The following METTL15 variants were observed in gnomAD, a reference collection of about 807,000 sequenced individuals.
METTL15 encodes methyltransferase 15, mitochondrial 12S rRNA N4-cytidine.
METTL15 carries 34 observed loss-of-function variants against 38.3 expected under a neutral mutation model. The ratio of observed to expected loss-of-function variants is 0.89; its 90% CI spans 0.68 to 1.18. The LOEUF is 1.18. Ranked by LOEUF, METTL15 falls within the 50% of genes most tolerant of loss-of-function variation. METTL15 has a pLI of 0.00. For synonymous variants in METTL15, 162 were observed against 170.9 expected (o/e 0.95, Z 0.41); for missense variants, 438 against 498.4 (o/e 0.88, Z 1.15).
At chr11:28,146,488 G>A (rs73436541) in intron 3 of METTL15, among the ~76,000 whole-genome samples, 425 of 152,054 alleles carry the variant, frequency 2.8e-3, no homozygotes, top group African/African-American at 9.5e-3. Context: ...TTGGTATTTA[G>A]ATTTTTGTTC....
chr11:28,172,805 A>G (rs1429291939), intron 3 of METTL15, among the ~76,000 whole-genome samples: 1 of 152,238 alleles, frequency 6.6e-6, no homozygotes, highest in African/African-American at 2.4e-5. Context: ...GAATAGACAG[A>G]AAATAGCATA....
At chr11:28,167,069 T>C (rs1455239047) in intron 3 of METTL15, among the ~76,000 whole-genome samples, 1 of 152,238 alleles carries the variant, frequency 6.6e-6, no homozygotes, top group Non-Finnish European at 1.5e-5. Context: ...TTGTTTGTCC[T>C]TCTGAATTAG....
At chr11:28,222,893 A>G (rs1853306496) in intron 4 of METTL15, among the ~76,000 whole-genome samples, 1 of 152,208 alleles carries the variant, frequency 6.6e-6, no homozygotes, top group Non-Finnish European at 1.5e-5. Context: ...ACTAGAGAGA[A>G]GACAACAAAA....
chr11:28,140,724 C>T lies in METTL15; in HGVS notation c.270+27120C>T, dbSNP rs768338721. Among the ~76,000 whole-genome samples, 5 of 152,306 alleles carry T rather than the reference C, an allele frequency of 3.3e-5. No homozygotes were observed. The South Asian group carries it at 8.3e-4, about 25-fold the overall frequency. On this transcript the variant is annotated intron_variant, in intron 3 of 6. Coordinates refer to ENST00000407364, the MANE Select transcript of METTL15 (RefSeq NM_001113528.2). ...CAAAAAGAGGGGTCCTGAAAGCAGG[C>T]TGCTGGTTGCCCCCTTCACAGTTGA... is the stretch of plus-strand genomic sequence containing the variant.
intron 4 of METTL15, among the ~76,000 whole-genome samples, chr11:28,254,090 T>C (rs1048186942): frequency 6.6e-6 from 1 of 152,170 alleles, no homozygotes; most frequent in Non-Finnish European, 1.5e-5. Flanking sequence ...TACTTTACAT[T>C]CCCACCAACA....
intron 4 of METTL15, among the ~76,000 whole-genome samples, chr11:28,223,026 A>T (rs1291194156): frequency 6.6e-6 from 1 of 152,150 alleles, no homozygotes; most frequent in East Asian, 1.9e-4. Flanking sequence ...GCTAGTGAGG[A>T]TGTGCAGAAA....
intron 4 of METTL15, 56 bp downstream of exon 4, chr11:28,211,254 G>A: frequency 1.3e-6 from 2 of 1,518,014 alleles, no homozygotes; most frequent in South Asian, 1.3e-5. Context: ...TACAGAGCTT[G>A]GTTTACCACC....
At chr11:28,236,987 G>T (rs955783764) in intron 4 of METTL15, among the ~76,000 whole-genome samples, 1 of 152,020 alleles carries the variant, frequency 6.6e-6, no homozygotes, top group African/African-American at 2.4e-5. Context: ...AGTCTGATGG[G>T]TTTCCCTTTG....
chr11:28,277,718 CA>C (rs1186789265), intron 4 of METTL15, among the ~76,000 whole-genome samples: 3 of 151,370 alleles, frequency 2.0e-5, no homozygotes, highest in East Asian at 3.9e-4. Flanking sequence ...AAAACAGCAA[CA>C]AAAAAAATGG....
At chr11:28,405,369 G>T (rs564760670) in intron 5 of METTL15, among the ~76,000 whole-genome samples, 3 of 152,256 alleles carry the variant, frequency 2.0e-5, no homozygotes, top group Admixed American at 6.5e-5. Flanking sequence ...CTTGCCATAT[G>T]ATCATTAAAC....
chr11:28,168,145 G>C (rs894322393), intron 3 of METTL15, among the ~76,000 whole-genome samples: 1 of 151,256 alleles, frequency 6.6e-6, no homozygotes, highest in Non-Finnish European at 1.5e-5. Flanking sequence ...CCTGTATTAA[G>C]CCCTCTTTGT....
At chr11:28,272,767 A>G (rs1177358958) in intron 4 of METTL15, among the ~76,000 whole-genome samples, 2 of 152,192 alleles carry the variant, frequency 1.3e-5, no homozygotes, top group African/African-American at 4.8e-5. Context: ...AATCAGGTTC[A>G]TCACAGAGGG....
At chr11:28,171,540 G>C (rs1265036005) in intron 3 of METTL15, among the ~76,000 whole-genome samples, 1 of 152,076 alleles carries the variant, frequency 6.6e-6, no homozygotes, top group Non-Finnish European at 1.5e-5. Flanking sequence ...TTTAATCTCA[G>C]TTTTCAGTAA....
chr11:28,147,588 T>C (rs543612211), intron 3 of METTL15, among the ~76,000 whole-genome samples: 1 of 151,984 alleles, frequency 6.6e-6, no homozygotes, highest in African/African-American at 2.4e-5. Context: ...TGGGATACAG[T>C]ATATGATCTT....
intron 4 of METTL15, among the ~76,000 whole-genome samples, chr11:28,267,090 G>A (rs1188570347): frequency 6.7e-6 from 1 of 149,920 alleles, no homozygotes; most frequent in African/African-American, 2.5e-5. Context: ...AACCCAGGAG[G>A]CAGAGGTTGC....
At chr11:28,494,073 A>G (rs139664354) in intron 6 of METTL15, among the ~76,000 whole-genome samples, 6 of 152,360 alleles carry the variant, frequency 3.9e-5, no homozygotes, top group African/African-American at 1.2e-4. Context: ...ATGATTTAGT[A>G]TATTTAGCAA....
chr11:28,422,742 G>T (rs2133422420), intron 5 of METTL15, among the ~76,000 whole-genome samples: 1 of 152,030 alleles, frequency 6.6e-6, no homozygotes, highest in African/African-American at 2.4e-5. Context: ...CTATGAAACT[G>T]CTAATAGAAA....
chr11:28,129,283 T>G (rs940675901), intron 3 of METTL15, among the ~76,000 whole-genome samples: 7 of 152,254 alleles, frequency 4.6e-5, no homozygotes, highest in African/African-American at 1.7e-4. Flanking sequence ...CCAATTTTCT[T>G]AACATTTTAT....
At chr11:28,406,351 A>G (rs1850673587) in intron 5 of METTL15, among the ~76,000 whole-genome samples, 1 of 152,038 alleles carries the variant, frequency 6.6e-6, no homozygotes, top group South Asian at 2.1e-4. Context: ...TGTGAATGGG[A>G]GTTCATTCCT....
Sources: allele counts gnomAD v4.1 joint callset (sites outside exome capture counted in the v4.1 genomes callset), GRCh38; gene constraint gnomAD v4.1.1; transcripts MANE v1.5; gene names NCBI Gene and HGNC (gene_info 2026-07-23, HGNC 2026-07-21).